The following FER1L6 variants were observed in gnomAD, a reference collection of about 807,000 sequenced individuals.
The protein encoded by FER1L6 is fer-1 like family member 6.
Under a neutral mutation model 219.2 loss-of-function variants are expected in FER1L6, and 177 were observed. That is an observed-to-expected ratio of 0.81 (90% CI 0.71 to 0.91). The LOEUF is 0.91. Among genes scored for constraint, FER1L6 ranks in the 40% least tolerant of loss-of-function variants. The probability of loss-of-function intolerance (pLI) is 0.00; values close to 1 mark genes in which losing one functional copy is unlikely to be tolerated. For synonymous variants in FER1L6, 768 were observed against 824.3 expected (o/e 0.93, Z 1.17); for missense variants, 2,153 against 2,259.9 (o/e 0.95, Z 0.96).
intron 11 of FER1L6, 64 bp downstream of exon 11, chr8:123,980,875 T>G (rs549155736): frequency 2.1e-5 from 29 of 1,350,948 alleles, no homozygotes; most frequent in Non-Finnish European, 2.8e-5. Context: ...GGACTGCCCC[T>G]GCCACAGGTT....
At position 124,082,112 on chromosome 8, in the gene FER1L6, A is replaced by ATTG. The variant is rs1203179991; in HGVS notation, c.4221-176_4221-175insTTG. Among the ~76,000 whole-genome samples the ATTG allele has an allele frequency of 2.4e-4, 37 of 152,354 alleles. 1 individual carries two copies. In the East Asian group the frequency reaches 6.2e-3, roughly 25 times the overall value. On this transcript the variant is annotated intron_variant, in intron 32 of 40. Coordinates refer to ENST00000522917, the MANE Select transcript of FER1L6 (RefSeq NM_001039112.2). ...ATTTGAAATTGATAACAGAGTTGAA[A>ATTG]ATTGTTTGTACTGCAATGAAAAATT...
chr8:124,060,234 C>A lies in FER1L6; in HGVS notation c.2929C>A (p.Gln977Lys). Residue 977 changes from glutamine to lysine, a missense_variant, in exon 23 of 41, where the codon CAG becomes AAG. Transcript: ENST00000522917. ...ACCCGTTGAGCCACCAGACATCACC[C>A]AGATCTACCCGGTTCCTGCCAACAT... ...LPPVEPPDITQIYPVPANIRP... is the reference protein window; with the variant it reads ...LPPVEPPDITKIYPVPANIRP... 12 of 1,613,108 alleles carry A rather than the reference C, an allele frequency of 7.4e-6. No individual in the cohort carries two copies. The highest frequency in any genetic ancestry group is 1.0e-5 in the Non-Finnish European group (12 of 1,179,724).
At chr8:124,058,541 G>C (rs1140752) in intron 22 of FER1L6, among the ~76,000 whole-genome samples, 1 of 152,202 alleles carries the variant, frequency 6.6e-6, no homozygotes, top group Non-Finnish European at 1.5e-5. Flanking sequence ...CAATGTTATA[G>C]GATTCTTTAA....
chr8:124,093,640 TACC>T (rs756405962), intron 34 of FER1L6, among the ~76,000 whole-genome samples: 10 of 152,050 alleles, frequency 6.6e-5, no homozygotes, highest in Non-Finnish European at 1.5e-4. Flanking sequence ...ATTAAACAAT[TACC>T]ACTTTTTTGC....
At chr8:123,920,740 T>A (rs1353092461) in intron 1 of FER1L6, among the ~76,000 whole-genome samples, 2 of 152,220 alleles carry the variant, frequency 1.3e-5, no homozygotes, top group East Asian at 3.9e-4. Flanking sequence ...AGTGTACAGT[T>A]CAGTTGTGTT....
chr8:124,066,437 A>G lies in FER1L6; in HGVS notation c.3565A>G (p.Lys1189Glu). ...PKDGKPKDPR[K>E]PSRRSTKRRK... ...CCTCATCCCTTGCCAGGATCCCAGGAAGCCTTCCCGGAGGTCCACTAAGAG... is the reference window on the plus strand; with the variant it reads ...CCTCATCCCTTGCCAGGATCCCAGGGAGCCTTCCCGGAGGTCCACTAAGAG... The change falls in exon 27 of 41, where the codon AAG becomes GAG. Residue 1189 changes from lysine (K) to glutamate (E), a missense_variant. Transcript: ENST00000522917. 6.2e-7 allele frequency: 1 copy of G among 1,613,762 alleles called. No homozygotes were observed. The highest frequency in any genetic ancestry group is 8.5e-7 in the Non-Finnish European group (1 of 1,179,822).
Position 123,999,583 on chromosome 8 carries a change from A to C in FER1L6, c.1520-3584A>C, listed in dbSNP as rs144897770. ...GAGGCTGAGGCCGGAGAATTGCCTGAACCCGGGAGGCAGAGGTTTCAGTCA... is the reference window on the plus strand; with the variant it reads ...GAGGCTGAGGCCGGAGAATTGCCTGCACCCGGGAGGCAGAGGTTTCAGTCA... On this transcript the variant is annotated intron_variant, in intron 12 of 40. Transcript: ENST00000522917. Among the ~76,000 whole-genome samples the C allele has an allele frequency of 1.5e-4, 23 of 152,318 alleles. 1 individual carries two copies. In the East Asian group the frequency reaches 4.4e-3, roughly 29 times the overall value.
chr8:123,930,395 T>A (rs1813725092), intron 1 of FER1L6, among the ~76,000 whole-genome samples: 1 of 152,140 alleles, frequency 6.6e-6, no homozygotes, highest in South Asian at 2.1e-4. Flanking sequence ...AGATACTTAA[T>A]ATATTTGTGT....
chr8:123,875,279 G>C (rs1030302011), intron 1 of FER1L6, among the ~76,000 whole-genome samples: 1 of 152,046 alleles, frequency 6.6e-6, no homozygotes, highest in East Asian at 1.9e-4. Context: ...ATTCTCTCTT[G>C]AATCAACTCT....
At chr8:123,987,995 G>A (rs1374972069) in intron 12 of FER1L6, among the ~76,000 whole-genome samples, 2 of 152,158 alleles carry the variant, frequency 1.3e-5, no homozygotes, top group African/African-American at 4.8e-5. Flanking sequence ...CTACTTGGGA[G>A]GCTGAGGCAG....
chr8:124,110,991 C>T (rs1311138343), intron 39 of FER1L6, among the ~76,000 whole-genome samples: 1 of 152,008 alleles, frequency 6.6e-6, no homozygotes, highest in Admixed American at 6.5e-5. Flanking sequence ...AGCCTCCTAC[C>T]CTCCCACAGA....
At chr8:123,960,361 C>A (rs193275270) in intron 2 of FER1L6, among the ~76,000 whole-genome samples, 1 of 152,148 alleles carries the variant, frequency 6.6e-6, no homozygotes, top group African/African-American at 2.4e-5. Context: ...GGAATTTCAA[C>A]AATCTCAACA....
chr8:124,031,380 A>G (rs1818959499), intron 18 of FER1L6, among the ~76,000 whole-genome samples: 1 of 152,214 alleles, frequency 6.6e-6, no homozygotes, highest in Non-Finnish European at 1.5e-5. Context: ...AATACGATTC[A>G]GTAAAAAGGG....
At chr8:124,073,558 A>G (rs1821163291) in intron 31 of FER1L6, among the ~76,000 whole-genome samples, 1 of 152,176 alleles carries the variant, frequency 6.6e-6, no homozygotes, top group African/African-American at 2.4e-5. Context: ...AATAAATCAA[A>G]TTTCCCCACC....
intron 20 of FER1L6, among the ~76,000 whole-genome samples, chr8:124,045,084 T>C (rs1165855514): frequency 6.6e-6 from 1 of 152,238 alleles, no homozygotes; most frequent in Non-Finnish European, 1.5e-5. Flanking sequence ...CACAAAACAG[T>C]AGAATTCCAC....
intron 12 of FER1L6, among the ~76,000 whole-genome samples, chr8:123,998,357 C>T (rs1041164947): frequency 1.2e-4 from 9 of 76,968 alleles, no homozygotes; most frequent in Non-Finnish European, 2.3e-4. Context: ...TCTTAGTTTC[C>T]CTCAAAAAGA....
Position 123,963,260 on chromosome 8 carries a change from C to G in FER1L6, c.77-18C>G, listed in dbSNP as rs779513072. ...ATGTCAATTTCACAGGATTTTCTTC[C>G]TTTGTTTGCTTCTCCAGATAGTCAA... On this transcript the variant is annotated intron_variant, in intron 2 of 40. Transcript: ENST00000522917. 2.5e-6 allele frequency: 4 copies of G among 1,613,356 alleles called. No individual in the cohort carries two copies. The highest frequency in any genetic ancestry group is 3.4e-6 in the Non-Finnish European group (4 of 1,179,654).
intron 34 of FER1L6, among the ~76,000 whole-genome samples, chr8:124,091,967 TAAAAA>T (rs10591429): frequency 1.9e-4 from 25 of 133,504 alleles, no homozygotes; most frequent in Non-Finnish European, 1.4e-4. Flanking sequence ...ACTCAAGTCT[TAAAAA>T]AAAAAAAAAA....
chr8:123,858,237 A>G (rs1021639526), intron 1 of FER1L6, among the ~76,000 whole-genome samples: 1 of 152,204 alleles, frequency 6.6e-6, no homozygotes, highest in Admixed American at 6.5e-5. Flanking sequence ...GGCACCTCCT[A>G]GACAGTTCTG....
Sources: allele counts gnomAD v4.1 joint callset (sites outside exome capture counted in the v4.1 genomes callset), GRCh38; gene constraint gnomAD v4.1.1; transcripts MANE v1.5; gene names NCBI Gene and HGNC (gene_info 2026-07-23, HGNC 2026-07-21).